Variants in SYN3 observed in about 807,000 individuals in gnomAD.
SYN3 encodes the protein synapsin-3.
SYN3 carries 35 observed loss-of-function variants against 65.8 expected under a neutral mutation model. The ratio of observed to expected loss-of-function variants is 0.53; its 90% CI spans 0.41 to 0.70. The LOEUF (loss-of-function observed/expected upper bound fraction) is 0.70, where lower values mean the gene tolerates loss of function less well. Among genes scored for constraint, SYN3 ranks in the 30% least tolerant of loss-of-function variants. The pLI is 0.00. For missense variants in SYN3, 680 were observed against 749.0 expected, an observed-to-expected ratio of 0.91 and a Z score of 1.08; for synonymous variants, 270 against 292.9, an observed-to-expected ratio of 0.92 and a Z score of 0.80.
chr22:32,997,544 C>G (rs73881929), intron 2 of SYN3, among the ~76,000 whole-genome samples: 2,083 of 152,224 alleles, frequency 0.014, 52 homozygotes, highest in African/African-American at 0.047. Context: ...CTCTGCCCCC[C>G]TCACCTTTAA....
chr22:33,045,607 G>A (rs1045986005), intron 1 of SYN3, among the ~76,000 whole-genome samples: 76 of 150,024 alleles, frequency 5.1e-4, no homozygotes, highest in African/African-American at 4.4e-4. Flanking sequence ...GACTACAGGC[G>A]CCCGCCACTA....
chr22:33,028,117 G>A (rs191021839), intron 1 of SYN3, among the ~76,000 whole-genome samples: 11 of 152,202 alleles, frequency 7.2e-5, no homozygotes, highest in East Asian at 1.9e-4. Context: ...TTGCCTTCCC[G>A]GGACACATAC....
chr22:32,536,153 C>A (rs1435867657), intron 9 of SYN3, among the ~76,000 whole-genome samples: 1 of 152,222 alleles, frequency 6.6e-6, no homozygotes, highest in East Asian at 1.9e-4. Context: ...AGGCTGGGCT[C>A]ACATTCCGGA....
At chr22:33,021,417 C>T (rs1047231811) in intron 1 of SYN3, among the ~76,000 whole-genome samples, 1 of 152,182 alleles carries the variant, frequency 6.6e-6, no homozygotes, top group Non-Finnish European at 1.5e-5. Flanking sequence ...CCATCACCCC[C>T]CATACAATTG....
intron 3 of SYN3, among the ~76,000 whole-genome samples, chr22:32,964,128 C>T (rs2051747293): frequency 6.6e-6 from 1 of 151,844 alleles, no homozygotes; most frequent in Non-Finnish European, 1.5e-5. Flanking sequence ...AGGGCTGTTG[C>T]TTAGGGAAGA....
intron 6 of SYN3, among the ~76,000 whole-genome samples, chr22:32,776,229 T>C (rs1472435718): frequency 1.3e-5 from 2 of 152,146 alleles, no homozygotes; most frequent in African/African-American, 2.4e-5. Flanking sequence ...ACCCTTTTTT[T>C]TTCAGCCCAT....
At chr22:32,955,720 G>A (rs898630905) in intron 3 of SYN3, among the ~76,000 whole-genome samples, 5 of 152,040 alleles carry the variant, frequency 3.3e-5, no homozygotes, top group Admixed American at 3.3e-4. Flanking sequence ...TTGATCCTGG[G>A]TGTGTCTGTG....
At chr22:32,789,477 C>T (rs2046271123) in intron 6 of SYN3, among the ~76,000 whole-genome samples, 1 of 152,178 alleles carries the variant, frequency 6.6e-6, no homozygotes, top group Admixed American at 6.5e-5. Flanking sequence ...GTTCATTGTG[C>T]AGTGGGTCTG....
Position 32,980,778 on chromosome 22 carries a change from C to A in SYN3, c.312-76G>T. ...TTTCTCCCTTCTCCCAAAGGCCTTACCCCAGAGGTGCATATTGAGACACAT... is the reference window on the plus strand; with the variant it reads ...TTTCTCCCTTCTCCCAAAGGCCTTAACCCAGAGGTGCATATTGAGACACAT... On this transcript the variant is annotated intron_variant, in intron 2 of 13. Coordinates refer to ENST00000358763, the MANE Select transcript of SYN3 (RefSeq NM_003490.4). 3.8e-6 allele frequency: 5 copies of A among 1,332,714 alleles called. No homozygotes were observed. In the South Asian group the frequency reaches 4.7e-5, roughly 13 times the overall value. 82.6% of individuals were successfully genotyped at this position (1,332,714 alleles called of 1,614,324 possible).
intron 7 of SYN3, among the ~76,000 whole-genome samples, chr22:32,542,682 G>C (rs1270664623): frequency 6.6e-6 from 1 of 151,486 alleles, no homozygotes; most frequent in East Asian, 2.0e-4. Flanking sequence ...ACACTGGAGA[G>C]GCCAGCTTTG....
chr22:32,688,256 T>C (rs1481641091), intron 6 of SYN3, among the ~76,000 whole-genome samples: 2 of 152,212 alleles, frequency 1.3e-5, no homozygotes, highest in African/African-American at 4.8e-5. Context: ...CATGCGTCTG[T>C]GGCTCATGAG....
rs2060512421 is a variant in SYN3 at position 32,680,817 on chromosome 22, CCT to C, written c.712-84083_712-84082del. On this transcript the variant is annotated intron_variant, in intron 6 of 13. Transcript: ENST00000358763. ...CAAAGGATTTCCAAACTTAGTTTTT[CCT>C]CTCTCTTGAGGTTCCTTCCATATAT... Among the ~76,000 whole-genome samples, 3 of 152,322 alleles carry C rather than the reference CCT, an allele frequency of 2.0e-5. No homozygotes were observed. The East Asian group carries it at 5.8e-4, about 29-fold the overall frequency.
intron 7 of SYN3, among the ~76,000 whole-genome samples, chr22:32,552,326 A>C (rs1276541181): frequency 6.6e-6 from 1 of 152,196 alleles, no homozygotes; most frequent in Non-Finnish European, 1.5e-5. Flanking sequence ...ATCTGAAAAA[A>C]GTATCCAGAG....
intron 4 of SYN3, among the ~76,000 whole-genome samples, chr22:32,930,702 C>T (rs1401499778): frequency 6.6e-6 from 1 of 152,176 alleles, no homozygotes; most frequent in Admixed American, 6.5e-5. Context: ...TCTCTTCCTT[C>T]TCTAAACCCT....
chr22:32,857,644 C>T (rs1161942313), intron 6 of SYN3, among the ~76,000 whole-genome samples: 1 of 152,186 alleles, frequency 6.6e-6, no homozygotes, highest in East Asian at 1.9e-4. Context: ...TTCCTCTCCA[C>T]CTCACACTCG....
chr22:32,965,752 T>G (rs1255537649), intron 3 of SYN3, among the ~76,000 whole-genome samples: 3 of 152,078 alleles, frequency 2.0e-5, no homozygotes, highest in Non-Finnish European at 4.4e-5. Context: ...CTGAAGTGAG[T>G]GGCACGATCT....
intron 4 of SYN3, among the ~76,000 whole-genome samples, chr22:32,878,097 G>A (rs1000507483): frequency 6.6e-6 from 1 of 152,136 alleles, no homozygotes; most frequent in African/African-American, 2.4e-5. Flanking sequence ...AGGTCTTTGG[G>A]CTTCGAAGTC....
At chr22:32,744,190 G>T (rs755790607) in intron 6 of SYN3, among the ~76,000 whole-genome samples, 1 of 152,094 alleles carries the variant, frequency 6.6e-6, no homozygotes, top group Non-Finnish European at 1.5e-5. Flanking sequence ...CTCTATGAAC[G>T]TGTTTACCAG....
At chr22:32,815,647 C>A (rs1339147136) in intron 6 of SYN3, among the ~76,000 whole-genome samples, 1 of 152,140 alleles carries the variant, frequency 6.6e-6, no homozygotes, top group African/African-American at 2.4e-5. Flanking sequence ...GTAATAAATT[C>A]TATTCTTTAC....
Sources: allele counts gnomAD v4.1 joint callset (sites outside exome capture counted in the v4.1 genomes callset), GRCh38; gene constraint gnomAD v4.1.1; transcripts MANE v1.5; gene names NCBI Gene and HGNC (gene_info 2026-07-23, HGNC 2026-07-21).